The following PRMT7 variants were observed in gnomAD, a reference collection of about 807,000 sequenced individuals.
PRMT7 encodes protein arginine methyltransferase 7, also known as protein arginine N-methyltransferase 7.
Under a neutral mutation model 85.4 loss-of-function variants are expected in PRMT7, and 75 were observed. The ratio of observed to expected loss-of-function variants is 0.88; its 90% confidence interval spans 0.73 to 1.06. The LOEUF is 1.06. PRMT7 is among the 50% of genes least tolerant of loss of function. PRMT7 has a pLI of 0.00. For missense variants in PRMT7, 868 were observed against 915.2 expected (o/e 0.95, Z 0.67); for synonymous variants, 397 against 359.5 (o/e 1.10, Z -1.18).
At chr16:68,335,142 A>G (rs1487896090) in intron 6 of PRMT7, among the ~76,000 whole-genome samples, 1 of 152,192 alleles carries the variant, frequency 6.6e-6, no homozygotes, top group African/African-American at 2.4e-5. Context: ...AAAGCATTTT[A>G]AGTTATATAA....
chr16:68,352,295 G>A lies in PRMT7; in HGVS notation c.1461G>A (p.Pro487=), dbSNP rs373047722. The A allele has an allele frequency of 1.2e-4, 186 of 1,613,674 alleles. 1 individual carries two copies. Among genetic ancestry groups the A allele is most frequent in the South Asian group, 6.1e-4 (56 of 91,086 alleles). The change falls in exon 15 of 19, where the codon CCG becomes CCA. Residue 487 remains proline, a synonymous_variant. Transcript: ENST00000441236. ...CGTTCTTCACTACCAGCCTGCTGCC[G>A]TGGCACAACCTCTACTTCTGGTACG... The part of the protein sequence containing the change: ...GEPFFTTSLL[P]WHNLYFWYVR...
intron 13 of PRMT7, 93 bp from the exon 14 acceptor site, chr16:68,348,249 C>T: frequency 9.2e-7 from 1 of 1,087,342 alleles, no homozygotes; most frequent in African/African-American, 1.6e-5. Flanking sequence ...CCGGAAAATT[C>T]AAAGCGGAGA....
chr16:68,343,174 A>G (rs1245111334), intron 9 of PRMT7, among the ~76,000 whole-genome samples: 7 of 152,078 alleles, frequency 4.6e-5, no homozygotes, highest in Non-Finnish European at 1.0e-4. Context: ...ATTGCCCTCC[A>G]GCCTGGGCAA....
At chr16:68,346,935 T>G (rs1400587524) in intron 11 of PRMT7, among the ~76,000 whole-genome samples, 1 of 151,980 alleles carries the variant, frequency 6.6e-6, no homozygotes. Flanking sequence ...AAGCCTGTTG[T>G]CATGGACTGG....
At chr16:68,350,976 A>G (rs1179730336) in intron 14 of PRMT7, among the ~76,000 whole-genome samples, 1 of 152,218 alleles carries the variant, frequency 6.6e-6, no homozygotes, top group Non-Finnish European at 1.5e-5. Flanking sequence ...GCTGATGGAC[A>G]TTTGGGTGGC....
At chr16:68,324,888 C>T (rs938284199) in intron 5 of PRMT7, 56 bp downstream of exon 5, 14 of 1,598,820 alleles carry the variant, frequency 8.8e-6, no homozygotes, top group Non-Finnish European at 1.2e-5. Context: ...ATCCCCTATG[C>T]TCTTGCACTT....
intron 14 of PRMT7, among the ~76,000 whole-genome samples, chr16:68,350,150 G>A (rs2087077810): frequency 6.6e-6 from 1 of 152,230 alleles, no homozygotes; most frequent in Non-Finnish European, 1.5e-5. Flanking sequence ...GCATTCCACG[G>A]TGTGGCTATC....
rs1179239735 is a variant in PRMT7 at position 68,352,254 on chromosome 16, C to A, written c.1420C>A (p.Leu474Ile). The A allele has an allele frequency of 6.2e-7, 1 of 1,613,154 alleles. No individual in the cohort carries two copies. The highest frequency in any genetic ancestry group is 8.5e-7 in the Non-Finnish European group (1 of 1,179,892). ...NEDLQGRKVS[L>I]LLGEPFFTTS... ...CTTCTCGCCCATTCACCAGGTCTCT[C>A]TCCTCCTGGGCGAGCCGTTCTTCAC... is the stretch of plus-strand genomic sequence containing the variant. The change falls in exon 15 of 19, where the codon CTC (leucine) becomes ATC (isoleucine). Residue 474 changes from leucine to isoleucine, a missense_variant. Physicochemically the swap from Leu to Ile is conservative, Grantham distance 5. Transcript: ENST00000441236.
chr16:68,320,672 T>C (rs1182240677), intron 3 of PRMT7, among the ~76,000 whole-genome samples: 1 of 152,132 alleles, frequency 6.6e-6, no homozygotes, highest in African/African-American at 2.4e-5. Flanking sequence ...TTATGACCAG[T>C]TTTGGGGCCT....
At chr16:68,334,960 C>T (rs1421947456) in intron 6 of PRMT7, among the ~76,000 whole-genome samples, 1 of 152,022 alleles carries the variant, frequency 6.6e-6, no homozygotes, top group Admixed American at 6.6e-5. Flanking sequence ...CTACACCCGG[C>T]TAATTTTTGT....
chr16:68,352,185 C>T, intron 14 of PRMT7, 63 bp from the exon 15 acceptor site: 1 of 1,533,712 alleles, frequency 6.5e-7, no homozygotes, highest in South Asian at 1.2e-5. Flanking sequence ...TTCCGTGTTC[C>T]TGTTAACACT....
chr16:68,347,379 A>G, intron 12 of PRMT7, 85 bp downstream of exon 12: 1 of 1,377,078 alleles, frequency 7.3e-7, no homozygotes, highest in Non-Finnish European at 9.8e-7. Context: ...TTCTGTGATC[A>G]AGGCTCTTTG....
Position 68,337,534 on chromosome 16 carries a change from TGCCCTCCTATGAGCAC to T in PRMT7, c.470_485del (p.Pro157HisfsTer69). Reference sequence around the variant, plus strand: ...ACAGAGCTGATCGGGGAGGGGGCGCTGCCCTCCTATGAGCACGCACACAGGCATCTCGTGGAGGTAG... The same window carrying T: ...ACAGAGCTGATCGGGGAGGGGGCGCTGCACACAGGCATCTCGTGGAGGTAG... On this transcript the variant is annotated frameshift_variant, in exon 7 of 19. Coordinates refer to ENST00000441236, the MANE Select transcript of PRMT7 (RefSeq NM_019023.5). LOFTEE classifies it high-confidence loss of function. 2.5e-6 allele frequency: 4 copies of T among 1,611,256 alleles called. No individual in the cohort carries two copies. The highest frequency in any genetic ancestry group is 3.4e-6 in the Non-Finnish European group (4 of 1,177,918).
intron 2 of PRMT7, among the ~76,000 whole-genome samples, chr16:68,313,146 A>G (rs2044177667): frequency 6.6e-6 from 1 of 152,188 alleles, no homozygotes; most frequent in African/African-American, 2.4e-5. Context: ...TTGAAAAGAC[A>G]CTGTGGTCCT....
At chr16:68,350,012 C>T (rs1442588802) in intron 14 of PRMT7, among the ~76,000 whole-genome samples, 1 of 152,222 alleles carries the variant, frequency 6.6e-6, no homozygotes, top group Non-Finnish European at 1.5e-5. Context: ...GTTTGTGTCT[C>T]CAGTATGTGC....
chr16:68,312,780 A>G (rs1423038520), intron 2 of PRMT7, among the ~76,000 whole-genome samples: 1 of 152,212 alleles, frequency 6.6e-6, no homozygotes, highest in Non-Finnish European at 1.5e-5. Context: ...GCCCACCAGA[A>G]GAGGTTCATG....
intron 3 of PRMT7, among the ~76,000 whole-genome samples, 158 bp from the exon 4 acceptor site, chr16:68,321,268 C>CAA (rs370073532): frequency 2.1e-5 from 3 of 142,632 alleles, no homozygotes; most frequent in African/African-American, 7.7e-5. Flanking sequence ...GACCCTGTCT[C>CAA]AAAAAAAAAA....
In PRMT7 at chr16:68,347,254, G is replaced by T; in HGVS notation, c.1235G>T (p.Ser412Ile). The change falls in exon 12 of 19, where the codon AGC becomes ATC. Residue 412 changes from serine (S) to isoleucine (I), a missense_variant. Ser to Ile is a moderately radical substitution (Grantham distance 142, BLOSUM62 -2). Coordinates refer to ENST00000441236, the MANE Select transcript of PRMT7 (RefSeq NM_019023.5). ...GTGTGCCTGTGTGTCAGCGATGGCA[G>T]CCTGCTCTCCGTGCTGGCCCATCAC... Reference protein sequence around the residue: ...DSVCLCVSDGSLLSVLAHHLG... With the variant: ...DSVCLCVSDGILLSVLAHHLG... 1 of 1,553,782 alleles carries T rather than the reference G, an allele frequency of 6.4e-7. No individual in the cohort carries two copies. Among genetic ancestry groups the T allele is most frequent in the Middle Eastern group, 1.7e-4 (1 of 5,982 alleles).
chr16:68,346,364 T>C (rs2086369830), intron 11 of PRMT7, 84 bp downstream of exon 11: 1 of 1,585,388 alleles, frequency 6.3e-7, no homozygotes, highest in Non-Finnish European at 8.6e-7. Flanking sequence ...GCTTATGATT[T>C]GCTGTTTCTT....
Sources: allele counts gnomAD v4.1 joint callset (sites outside exome capture counted in the v4.1 genomes callset), GRCh38; gene constraint gnomAD v4.1.1; transcripts MANE v1.5; gene names NCBI Gene and HGNC (gene_info 2026-07-23, HGNC 2026-07-21).